TBL1X: variants seen among roughly 807,000 people sequenced by gnomAD.
TBL1X encodes the protein transducin beta like 1 X-linked, also known as F-box-like/WD repeat-containing protein TBL1X.
A neutral mutation model predicts 50.7 loss-of-function variants in TBL1X; 10 were observed. The observed-to-expected ratio is 0.20, with a 90% CI of 0.12 to 0.33. The LOEUF is 0.33. TBL1X is among the 10% of genes least tolerant of loss of function. The pLI, the probability that TBL1X is intolerant of heterozygous loss-of-function variation, is 1.00. For synonymous variants in TBL1X, 190 were observed against 214.7 expected, an observed-to-expected ratio of 0.88 and a Z score of 1.01; for missense variants, 340 against 504.4, an observed-to-expected ratio of 0.67 and a Z score of 3.12.
chrX:9,495,279 A>G (rs986973541), intron 1 of TBL1X, among the ~76,000 whole-genome samples: 5 of 111,724 alleles, frequency 4.5e-5, no homozygotes, highest in Non-Finnish European at 9.4e-5. Flanking sequence ...GAGAAGAGGC[A>G]GGAATTGTCG....
At chrX:9,488,789 GA>G (rs1382342775) in intron 1 of TBL1X, among the ~76,000 whole-genome samples, 1 of 111,566 alleles carries the variant, frequency 9.0e-6, no homozygotes, top group African/African-American at 3.3e-5. Flanking sequence ...GAATAATTGA[GA>G]AATCTGGTAC....
intron 5 of TBL1X, among the ~76,000 whole-genome samples, chrX:9,660,178 C>A (rs1279415317): frequency 8.9e-6 from 1 of 112,799 alleles, no homozygotes; most frequent in Non-Finnish European, 1.9e-5. Context: ...TGCCCACATA[C>A]CCATGGTATC....
intron 5 of TBL1X, among the ~76,000 whole-genome samples, chrX:9,666,347 CTGTG>C (rs946745937): frequency 1.8e-5 from 2 of 110,901 alleles, no homozygotes; most frequent in African/African-American, 6.6e-5. Flanking sequence ...CCCCTTCTGT[CTGTG>C]TATTTATATG....
chrX:9,665,691 G>A (rs73632611), intron 5 of TBL1X, among the ~76,000 whole-genome samples: 3 of 101,785 alleles, frequency 2.9e-5, no homozygotes, highest in East Asian at 3.2e-4. Flanking sequence ...CTGACAGCCC[G>A]GGACTCCTTG....
rs1335453913 is a variant in TBL1X at position 9,717,458 on chromosome X, G to A, written c.*1212G>A. On this transcript the variant is annotated 3_prime_UTR_variant, in exon 18 of 18. Transcript: ENST00000645353. ...AGGGTCAGTCTTCGGGGTCAGCAGC[G>A]AGATTGCTCTGCAGCCAGTGAGGGA... The A allele has an allele frequency of 5.4e-5, 6 of 111,850 alleles. No individual in the cohort carries two copies. Among genetic ancestry groups the A allele is most frequent in the African/African-American group, 1.6e-4 (5 of 30,769 alleles). The allele number at this position is 111,850 out of a possible 1,213,427, so 9.2% of individuals were successfully genotyped here. A position where few individuals can be genotyped will look rare whatever the true frequency, so the allele number is the denominator to read the frequency against.
intron 2 of TBL1X, among the ~76,000 whole-genome samples, chrX:9,545,701 G>A (rs776055080): frequency 9.0e-6 from 1 of 110,628 alleles, no homozygotes. Flanking sequence ...CTCCATGGAT[G>A]TGTAGGACAT....
At chrX:9,695,865 T>G (rs1215387007) in intron 11 of TBL1X, among the ~76,000 whole-genome samples, 1 of 112,450 alleles carries the variant, frequency 8.9e-6, no homozygotes, top group Non-Finnish European at 1.9e-5. Context: ...TCACTGATTA[T>G]CAGTCTTAAC....
At chrX:9,705,723 T>TAAAAA (rs34666783) in intron 13 of TBL1X, among the ~76,000 whole-genome samples, 12 of 78,194 alleles carry the variant, frequency 1.5e-4, no homozygotes, top group East Asian at 4.1e-4. Context: ...CTTGTCTCTT[T>TAAAAA]AAAAAAAAAA....
At chrX:9,713,175 G>A (rs950197914) in intron 16 of TBL1X, among the ~76,000 whole-genome samples, 4 of 111,114 alleles carry the variant, frequency 3.6e-5, no homozygotes, top group African/African-American at 9.8e-5. Context: ...TGGACCCTGC[G>A]TAGAGCCAAC....
intron 2 of TBL1X, among the ~76,000 whole-genome samples, chrX:9,617,405 G>A (rs1415617057): frequency 8.9e-6 from 1 of 111,838 alleles, no homozygotes; most frequent in African/African-American, 3.3e-5. Context: ...CAGACCACCC[G>A]TACCCATGCT....
chrX:9,665,535 ATAT>A, intron 5 of TBL1X, among the ~76,000 whole-genome samples: 2 of 61,228 alleles, frequency 3.3e-5, no homozygotes, highest in Non-Finnish European at 5.9e-5. Context: ...ATATATATAT[ATAT>A]AAAAGGCCTT....
intron 2 of TBL1X, among the ~76,000 whole-genome samples, chrX:9,624,312 A>T (rs543219768): frequency 1.8e-5 from 2 of 111,965 alleles, no homozygotes; most frequent in East Asian, 5.6e-4. Context: ...TTCACATAGC[A>T]TCCGTTTCCT....
chrX:9,550,075 G>T (rs1346355373), intron 2 of TBL1X, among the ~76,000 whole-genome samples: 1 of 111,378 alleles, frequency 9.0e-6, no homozygotes, highest in Non-Finnish European at 1.9e-5. Context: ...CTCGGTGCCC[G>T]CCTGGAGCAC....
In TBL1X at chrX:9,717,183, G is replaced by C. The variant is rs1384494781; in HGVS notation, c.*937G>C. On this transcript the variant is annotated 3_prime_UTR_variant, in exon 18 of 18. Transcript: ENST00000645353. ...AGTAAGTGCTTTATGTAAGAAGGCA[G>C]GGCAGGGGGGCTTTTTACAGGAGAA... 1 of 102,135 alleles carries C rather than the reference G, an allele frequency of 9.8e-6. No homozygotes were observed. The highest frequency in any genetic ancestry group is 3.5e-5 in the African/African-American group (1 of 28,947). The allele number at this position is 102,135 out of a possible 1,213,427, so 8.4% of individuals were successfully genotyped here. A position where few individuals can be genotyped will look rare whatever the true frequency, so the allele number is the denominator to read the frequency against.
Position 9,541,939 on chromosome X carries a change from TTTC to T in TBL1X, c.-131+40093_-131+40095del, listed in dbSNP as rs1438224113. Among the ~76,000 whole-genome samples the T allele has an allele frequency of 3.6e-5, 4 of 109,690 alleles. No homozygotes were observed. The Admixed American group carries it at 3.9e-4, about 11-fold the overall frequency. ...CCTTCATATCTTTTTTCTTTTCTTT[TTTC>T]TTTTTTTTTTTTTTTAACAAAAATC... On this transcript the variant is annotated intron_variant, in intron 2 of 17. Transcript: ENST00000645353.
chrX:9,489,596 G>A (rs58404515), intron 1 of TBL1X, among the ~76,000 whole-genome samples: 4,611 of 111,327 alleles, frequency 0.041, 94 homozygotes, highest in South Asian at 0.11. Flanking sequence ...AGGGGACCCT[G>A]GGGCATGTTG....
intron 1 of TBL1X, among the ~76,000 whole-genome samples, chrX:9,496,084 C>T (rs762813081): frequency 8.9e-6 from 1 of 112,552 alleles, no homozygotes; most frequent in African/African-American, 3.2e-5. Flanking sequence ...ACACAATACA[C>T]ATTGATATTT....
chrX:9,472,830 G>A (rs1046763767), intron 1 of TBL1X, among the ~76,000 whole-genome samples: 1 of 109,913 alleles, frequency 9.1e-6, no homozygotes, highest in Non-Finnish European at 1.9e-5. Context: ...GGAGAATGGC[G>A]TGAACCATGG....
intron 2 of TBL1X, among the ~76,000 whole-genome samples, chrX:9,610,315 A>G (rs1277605722): frequency 8.9e-6 from 1 of 112,628 alleles, no homozygotes; most frequent in Non-Finnish European, 1.9e-5. Context: ...TTGTAGGAAA[A>G]GCACAGATTC....
Sources: allele counts gnomAD v4.1 joint callset (sites outside exome capture counted in the v4.1 genomes callset), GRCh38; gene constraint gnomAD v4.1.1; transcripts MANE v1.5; gene names NCBI Gene and HGNC (gene_info 2026-07-23, HGNC 2026-07-21).